The following NBPF8 variants were observed in gnomAD, a reference collection of about 807,000 sequenced individuals.
The protein encoded by NBPF8 is NBPF family member NBPF8.
At chr1:120,449,705 C>G in intron 11 of NBPF8, among the ~76,000 whole-genome samples, 1 of 152,166 alleles carries the variant, frequency 6.6e-6, no homozygotes, top group Non-Finnish European at 1.5e-5. Flanking sequence ...CAAGAATCCT[C>G]TCTACCATAT....
intron 17 of NBPF8, among the ~76,000 whole-genome samples, chr1:120,459,761 G>A (rs1661524624): frequency 2.0e-5 from 3 of 152,190 alleles, no homozygotes; most frequent in Admixed American, 1.3e-4. Flanking sequence ...TGCCAACCTG[G>A]ACTGACTGTC....
intron 19 of NBPF8, 65 bp downstream of exon 17, chr1:120,461,491 C>A: frequency 2.2e-6 from 1 of 457,136 alleles, no homozygotes; most frequent in South Asian, 1.9e-5. Context: ...CATATTCCTA[C>A]TGCAAGTGGC....
upstream of NBPF8, among the ~76,000 whole-genome samples, chr1:120,419,331 A>G (rs1660510030): frequency 6.6e-6 from 1 of 152,254 alleles, no homozygotes; most frequent in South Asian, 2.1e-4. Flanking sequence ...CAGATAGACC[A>G]GATAGACCAG....
intron 1 of NBPF8, among the ~76,000 whole-genome samples, chr1:120,424,697 C>T (rs1380415356): frequency 6.0e-4 from 84 of 139,884 alleles, no homozygotes; most frequent in African/African-American, 2.1e-3. Context: ...ATCCACCTGC[C>T]TTGGCCTCTC....
At chr1:120,452,039 C>T in intron 12 of NBPF8, 78 bp from the exon 11 acceptor site, 1 of 1,428,306 alleles carries the variant, frequency 7.0e-7, no homozygotes, top group South Asian at 1.1e-5. Flanking sequence ...GACATTGTCT[C>T]AGAAGTCTCT....
Position 120,464,505 on chromosome 1 carries a change from T to C in NBPF8, n.3416T>C. 3.7e-6 allele frequency: 4 copies of C among 1,074,806 alleles called. 1 individual carries two copies. Among genetic ancestry groups the C allele is most frequent in the South Asian group, 2.5e-5 (2 of 80,592 alleles). 66.6% of individuals were successfully genotyped at this position (1,074,806 alleles called of 1,614,324 possible). The stretch of plus-strand genomic sequence containing the variant: ...GCCAGCCGTATGGAAGTTCCTTTTA[T>C]GCATTGGAGGAAAAACATGTTGGCT... On this transcript the variant is annotated non_coding_transcript_exon_variant, in exon 23 of 25. Coordinates refer to ENST00000583271, the Ensembl canonical transcript of NBPF8.
exon 6 of NBPF8, chr1:120,442,868 A>T: frequency 6.6e-6 from 1 of 151,746 alleles, no homozygotes; most frequent in South Asian, 3.6e-5. Flanking sequence ...TCTGCCACAA[A>T]CGTCAGCATG....
chr1:120,452,532 T>C (rs1370883267), intron 13 of NBPF8, among the ~76,000 whole-genome samples: 2 of 151,994 alleles, frequency 1.3e-5, no homozygotes, highest in African/African-American at 4.8e-5. Context: ...CAAGTGTCCC[T>C]CCTCCCTTGA....
At chr1:120,436,628 G>T (rs1553247809) in exon 1 of NBPF8, 9 of 1,575,272 alleles carry the variant, frequency 5.7e-6, no homozygotes, top group Non-Finnish European at 6.9e-6. Context: ...ACAGCAGTTC[G>T]TAAACCTCAA....
At chr1:120,462,718 A>C in intron 20 of NBPF8, 76 bp from the exon 19 acceptor site, 2 of 218,166 alleles carry the variant, frequency 9.2e-6, no homozygotes, top group South Asian at 5.1e-5. Flanking sequence ...TCCTTATGTT[A>C]GCCATGAAAT....
chr1:120,452,877 G>T (rs1434182982), intron 13 of NBPF8, among the ~76,000 whole-genome samples: 5 of 152,194 alleles, frequency 3.3e-5, no homozygotes, highest in Non-Finnish European at 5.9e-5. Flanking sequence ...TTTGTGGTAG[G>T]AAGTGCTTCA....
At chr1:120,468,320 A>T (rs1177346934), downstream of NBPF8, among the ~76,000 whole-genome samples, 36 of 151,758 alleles carry the variant, frequency 2.4e-4, no homozygotes, top group South Asian at 3.4e-3. Context: ...TGAATGTCAC[A>T]GTCATCACTT....
At chr1:120,448,954 A>T (rs1232554999) in intron 10 of NBPF8, among the ~76,000 whole-genome samples, 1 of 36,438 alleles carries the variant, frequency 2.7e-5, no homozygotes, top group Non-Finnish European at 5.3e-5. Flanking sequence ...GCCTTGCTTT[A>T]TAGAAACTTA....
At chr1:120,452,641 C>T (rs1661314339) in intron 13 of NBPF8, among the ~76,000 whole-genome samples, 1 of 152,258 alleles carries the variant, frequency 6.6e-6, no homozygotes. Flanking sequence ...GAAAAGAGCT[C>T]TGGACTAAGA....
upstream of NBPF8, among the ~76,000 whole-genome samples, chr1:120,435,721 C>A (rs1227863708): frequency 6.6e-6 from 1 of 151,744 alleles, no homozygotes; most frequent in Non-Finnish European, 1.5e-5. Context: ...GAAAAATTAG[C>A]CAGGCGTGGT....
At chr1:120,460,434 A>C in intron 17 of NBPF8, 139 bp from the exon 16 acceptor site, 1 of 762,748 alleles carries the variant, frequency 1.3e-6, no homozygotes. Flanking sequence ...CCTCAGGCCT[A>C]CTGGAATATT....
intron 1 of NBPF8, among the ~76,000 whole-genome samples, chr1:120,422,955 T>C (rs1660614840): frequency 5.6e-5 from 2 of 35,858 alleles, no homozygotes. Context: ...TTCAGATCTT[T>C]CACCTTTTTT....
chr1:120,420,381 C>T (rs1570923315), intron 1 of NBPF8, among the ~76,000 whole-genome samples: 1 of 138,144 alleles, frequency 7.2e-6, no homozygotes, highest in East Asian at 1.9e-4. Context: ...TCCTTAGTAG[C>T]TAGATCTACA....
intron 3 of NBPF8, among the ~76,000 whole-genome samples, chr1:120,428,886 C>T (rs1240954654): frequency 6.6e-6 from 1 of 151,718 alleles, no homozygotes; most frequent in African/African-American, 2.4e-5. Flanking sequence ...ATAACAATAT[C>T]TTGACTCCTG....
Sources: gnomAD v4.1 joint callset for allele counts (sites outside exome capture counted in the v4.1 genomes callset) on GRCh38, gnomAD v4.1.1 for gene constraint, MANE v1.5 for transcripts, NCBI Gene and HGNC (gene_info 2026-07-23, HGNC 2026-07-21) for gene names.